The following CTNNA3 variants were observed in gnomAD, a reference collection of about 807,000 sequenced individuals.
The protein encoded by CTNNA3 is catenin alpha 3, also known as catenin alpha-3.
A neutral mutation model predicts 95.7 loss-of-function variants in CTNNA3; 76 were observed. The observed-to-expected ratio is 0.79, with a 90% CI of 0.66 to 0.96. CTNNA3 has a LOEUF of 0.96. Among genes scored for constraint, CTNNA3 ranks in the 40% least tolerant of loss-of-function variants. CTNNA3 has a pLI of 0.00. For missense variants in CTNNA3, 1,191 were observed against 1,089.8 expected, an observed-to-expected ratio of 1.09 and a Z score of -1.31; for synonymous variants, 431 against 374.4, an observed-to-expected ratio of 1.15 and a Z score of -1.74.
chr10:67,399,241 C>G (rs1174559005), intron 5 of CTNNA3, among the ~76,000 whole-genome samples: 1 of 152,102 alleles, frequency 6.6e-6, no homozygotes, highest in Non-Finnish European at 1.5e-5. Context: ...CTGCACAGTT[C>G]AAATCCTTGT....
intron 10 of CTNNA3, among the ~76,000 whole-genome samples, chr10:66,547,310 T>TA (rs1191134912): frequency 2.0e-5 from 3 of 151,176 alleles, no homozygotes; most frequent in African/African-American, 7.3e-5. Flanking sequence ...TAAATGAGTA[T>TA]ATAACTTATT....
At chr10:66,159,190 C>A (rs1028975060) in intron 13 of CTNNA3, among the ~76,000 whole-genome samples, 5 of 151,960 alleles carry the variant, frequency 3.3e-5, no homozygotes, top group African/African-American at 1.2e-4. Context: ...ACTTCCAGTA[C>A]TATGTTGCAG....
intron 2 of CTNNA3, among the ~76,000 whole-genome samples, chr10:67,640,392 A>G (rs1181599209): frequency 2.0e-5 from 3 of 152,162 alleles, no homozygotes; most frequent in South Asian, 2.1e-4. Context: ...ATGCTCATGG[A>G]TAGGAAGAAT....
Position 67,332,857 on chromosome 10 carries a change from C to T in CTNNA3, c.580-112987G>A, listed in dbSNP as rs79331331. On this transcript the variant is annotated intron_variant, in intron 5 of 17. Transcript: ENST00000433211. ...TACACTCACCTCTGAAAGATTTTTC[C>T]TACCTGTAATTTAATTTAGCTCCAA... Among the ~76,000 whole-genome samples, 709 of 152,204 alleles carry T rather than the reference C, an allele frequency of 4.7e-3. 7 individuals are homozygous for T. The highest frequency in any genetic ancestry group is 0.015 in the African/African-American group (632 of 41,550).
intron 13 of CTNNA3, among the ~76,000 whole-genome samples, chr10:66,217,450 G>C (rs2088627074): frequency 6.6e-6 from 1 of 150,754 alleles, no homozygotes; most frequent in African/African-American, 2.4e-5. Flanking sequence ...CCAAATTGTT[G>C]CATGTATCAA....
chr10:65,951,674 C>G (rs1341930085), intron 17 of CTNNA3, among the ~76,000 whole-genome samples: 1 of 151,900 alleles, frequency 6.6e-6, no homozygotes, highest in African/African-American at 2.4e-5. Context: ...ACCGAGAGGT[C>G]ATAGGGCTTC....
intron 6 of CTNNA3, among the ~76,000 whole-genome samples, chr10:67,216,910 A>G (rs756557932): frequency 1.1e-4 from 17 of 152,212 alleles, no homozygotes; most frequent in Non-Finnish European, 1.6e-4. Context: ...GCTCTCATTC[A>G]GCCACAAATA....
intron 13 of CTNNA3, among the ~76,000 whole-genome samples, chr10:66,147,228 G>A (rs1395502164): frequency 1.3e-5 from 2 of 151,908 alleles, no homozygotes; most frequent in Non-Finnish European, 2.9e-5. Flanking sequence ...TGAACTTATC[G>A]GTAATATGAT....
chr10:67,683,976 C>T (rs539574185), intron 1 of CTNNA3, among the ~76,000 whole-genome samples: 44 of 152,174 alleles, frequency 2.9e-4, no homozygotes, highest in Non-Finnish European at 6.0e-4. Flanking sequence ...AATGCGAACC[C>T]AAAGAGTGAG....
chr10:66,005,081 G>T (rs571075895), intron 15 of CTNNA3, among the ~76,000 whole-genome samples: 1 of 152,230 alleles, frequency 6.6e-6, no homozygotes, highest in East Asian at 1.9e-4. Flanking sequence ...TTGGCTTGTG[G>T]ATTTTTCTTT....
At chr10:67,566,646 T>C (rs1589435139) in intron 3 of CTNNA3, among the ~76,000 whole-genome samples, 2 of 152,038 alleles carry the variant, frequency 1.3e-5, no homozygotes, top group South Asian at 2.1e-4. Flanking sequence ...ACAAATACCA[T>C]TTGACCCAGC....
At chr10:67,176,038 A>G (rs1164437760) in intron 7 of CTNNA3, among the ~76,000 whole-genome samples, 1 of 152,184 alleles carries the variant, frequency 6.6e-6, no homozygotes, top group Non-Finnish European at 1.5e-5. Context: ...TCTTAGAAAT[A>G]TATATATCCC....
chr10:66,414,778 G>T (rs1016317946), intron 11 of CTNNA3, among the ~76,000 whole-genome samples: 1 of 152,110 alleles, frequency 6.6e-6, no homozygotes, highest in Non-Finnish European at 1.5e-5. Context: ...CTCTGATGGA[G>T]TTGCAACCAG....
In CTNNA3 at chr10:66,071,687, A is replaced by G. The variant is rs556434809; in HGVS notation, c.1978-2198T>C. ...TCCAAAGAATAGTCACATTGTTTAG[A>G]ACCTAAGTTTCCAAATCTTTAAATT... On this transcript the variant is annotated intron_variant, in intron 14 of 17. Transcript: ENST00000433211. Among the ~76,000 whole-genome samples the G allele has an allele frequency of 5.8e-4, 89 of 152,236 alleles. 2 individuals carry two copies. The South Asian group carries it at 0.018, about 31-fold the overall frequency.
chr10:67,636,328 G>C (rs1422139497), intron 2 of CTNNA3, among the ~76,000 whole-genome samples: 1 of 151,972 alleles, frequency 6.6e-6, no homozygotes, highest in East Asian at 1.9e-4. Context: ...ATTTTAAAAT[G>C]TATTTGGAAC....
At chr10:66,037,310 C>T (rs895654434) in intron 15 of CTNNA3, among the ~76,000 whole-genome samples, 5 of 152,148 alleles carry the variant, frequency 3.3e-5, no homozygotes, top group African/African-American at 1.2e-4. Context: ...AAAGAATAAA[C>T]ACTAGTTAAT....
intron 7 of CTNNA3, among the ~76,000 whole-genome samples, chr10:66,914,556 A>C (rs1224870994): frequency 3.3e-5 from 5 of 152,202 alleles, no homozygotes; most frequent in African/African-American, 9.6e-5. Context: ...AAAAAAAAAA[A>C]AACTGCAAAT....
chr10:67,528,749 C>G (rs1215943377), intron 4 of CTNNA3, among the ~76,000 whole-genome samples: 1 of 152,106 alleles, frequency 6.6e-6, no homozygotes, highest in African/African-American at 2.4e-5. Context: ...CTAGCACATA[C>G]TAGAGTGATG....
At chr10:67,174,547 A>C (rs895563516) in intron 7 of CTNNA3, among the ~76,000 whole-genome samples, 6 of 152,228 alleles carry the variant, frequency 3.9e-5, no homozygotes, top group Non-Finnish European at 8.8e-5. Context: ...GCAGCTCAGA[A>C]AAATAATAGC....
Sources: gnomAD v4.1 joint callset for allele counts (sites outside exome capture counted in the v4.1 genomes callset) on GRCh38, gnomAD v4.1.1 for gene constraint, MANE v1.5 for transcripts, NCBI Gene and HGNC (gene_info 2026-07-23, HGNC 2026-07-21) for gene names.